DNAAF9: variants seen among roughly 807,000 people sequenced by gnomAD.
The protein encoded by DNAAF9 is dynein axonemal assembly factor 9.
A neutral mutation model predicts 167.0 loss-of-function variants in DNAAF9; 90 were observed. That is an observed-to-expected ratio of 0.54 (90% CI 0.45 to 0.64). The LOEUF (loss-of-function observed/expected upper bound fraction) is 0.64, where lower values mean the gene tolerates loss of function less well. Among genes scored for constraint, DNAAF9 ranks in the 30% least tolerant of loss-of-function variants. The pLI, the probability that DNAAF9 is intolerant of heterozygous loss-of-function variation, is 0.00. For synonymous variants in DNAAF9, 491 were observed against 508.8 expected, an observed-to-expected ratio of 0.96 and a Z score of 0.47; for missense variants, 1,315 against 1,442.2, an observed-to-expected ratio of 0.91 and a Z score of 1.43.
chr20:3,362,124 A>G, intron 6 of DNAAF9: 1 of 1,386,410 alleles, frequency 7.2e-7, no homozygotes, highest in Middle Eastern at 2.6e-4. Flanking sequence ...ATTCTATTTT[A>G]AGGCTGTATA....
intron 20 of DNAAF9, among the ~76,000 whole-genome samples, chr20:3,312,668 C>T (rs1039218236): frequency 4.6e-5 from 7 of 152,114 alleles, no homozygotes; most frequent in African/African-American, 1.7e-4. Context: ...GCCCAAGTCC[C>T]CTTCTAAGGC....
chr20:3,269,308 C>A (rs950436362), intron 30 of DNAAF9, among the ~76,000 whole-genome samples: 2 of 151,658 alleles, frequency 1.3e-5, no homozygotes, highest in Non-Finnish European at 2.9e-5. Flanking sequence ...CTCCTGGGCT[C>A]AGGCAATCCT....
chr20:3,255,090 C>T, intron 35 of DNAAF9, 129 bp downstream of exon 35: 2 of 624,536 alleles, frequency 3.2e-6, no homozygotes, highest in Non-Finnish European at 5.8e-6. Context: ...CCCTCTGTGG[C>T]CTGGGAGAAG....
intron 6 of DNAAF9, among the ~76,000 whole-genome samples, chr20:3,373,188 G>A (rs1374930269): frequency 1.3e-5 from 2 of 152,214 alleles, no homozygotes; most frequent in Non-Finnish European, 2.9e-5. Context: ...TCCCAGGCAA[G>A]CCTCCAGTCA....
intron 21 of DNAAF9, 74 bp from the exon 22 acceptor site, chr20:3,298,249 C>A (rs1224550280): frequency 8.5e-7 from 1 of 1,179,822 alleles, no homozygotes; most frequent in African/African-American, 1.5e-5. Flanking sequence ...ACTGCCAGAA[C>A]ACACAGGATC....
At chr20:3,293,537 T>G (rs1213859924) in intron 25 of DNAAF9, among the ~76,000 whole-genome samples, 1 of 150,808 alleles carries the variant, frequency 6.6e-6, no homozygotes, top group Admixed American at 6.6e-5. Context: ...ATACAAAAAT[T>G]AGCCAGGCGT....
chr20:3,315,095 T>G lies in DNAAF9; in HGVS notation c.1616A>C (p.Tyr539Ser). ...ATATGCTCCTTCTCCTCCTGTTAGA[T>G]AAGTGCCCAGGAAAGACTCATCCCC... Reference protein sequence around the residue: ...VRGDESFLGTYLTGGEGAYLY... With the variant: ...VRGDESFLGTSLTGGEGAYLY... Residue 539 changes from tyrosine (Y) to serine (S), a missense_variant, in exon 20 of 37, where the codon TAT becomes TCT. Physicochemically the swap from Tyr to Ser is moderately radical, Grantham distance 144. This residue lies in a region of DNAAF9 where 981 missense variants were observed against 1,012.5 expected (regional missense o/e 0.97). Coordinates refer to ENST00000252032, the MANE Select transcript of DNAAF9 (RefSeq NM_001009984.3). The surrounding 1 kb of genome is among the most constrained non-coding windows in gnomAD (Gnocchi z 4.1). The G allele has an allele frequency of 6.2e-7, 1 of 1,610,534 alleles. No individual in the cohort carries two copies. Among genetic ancestry groups the G allele is most frequent in the Non-Finnish European group, 8.5e-7 (1 of 1,176,782 alleles).
chr20:3,344,590 T>TACACACACACACACAC (rs4053351), intron 8 of DNAAF9, among the ~76,000 whole-genome samples: 13 of 144,518 alleles, frequency 9.0e-5, no homozygotes, highest in South Asian at 4.4e-4. Context: ...TACACACACA[T>TACACACACACACACAC]ACACACACAC....
At chr20:3,355,874 T>G (rs2083279188) in intron 7 of DNAAF9, among the ~76,000 whole-genome samples, 1 of 152,128 alleles carries the variant, frequency 6.6e-6, no homozygotes, top group African/African-American at 2.4e-5. Context: ...TGAGTTTTGA[T>G]AACAGCTAAT....
chr20:3,364,758 A>G (rs892922853), intron 6 of DNAAF9, among the ~76,000 whole-genome samples: 6 of 152,118 alleles, frequency 3.9e-5, no homozygotes, highest in Non-Finnish European at 7.4e-5. Flanking sequence ...CAATCAACTG[A>G]GCCTTCAGTG....
At chr20:3,406,886 G>C (rs1568654682) in intron 1 of DNAAF9, among the ~76,000 whole-genome samples, 1 of 152,046 alleles carries the variant, frequency 6.6e-6, no homozygotes, top group Non-Finnish European at 1.5e-5. Context: ...GCGCGACAGG[G>C]GAGATGCTGT....
chr20:3,261,333 A>C (rs561625688), intron 31 of DNAAF9, among the ~76,000 whole-genome samples: 2 of 151,092 alleles, frequency 1.3e-5, no homozygotes, highest in Non-Finnish European at 2.9e-5. Flanking sequence ...CACTGTGCCT[A>C]GCCTGTTTCC....
intron 8 of DNAAF9, among the ~76,000 whole-genome samples, chr20:3,344,786 T>C (rs1407267351): frequency 2.0e-5 from 3 of 152,162 alleles, no homozygotes; most frequent in Non-Finnish European, 4.4e-5. Flanking sequence ...CTACCTACAA[T>C]ATGAGTGTGC....
intron 28 of DNAAF9, among the ~76,000 whole-genome samples, chr20:3,279,941 T>G (rs1021181733): frequency 1.3e-5 from 2 of 151,894 alleles, no homozygotes; most frequent in African/African-American, 4.8e-5. Flanking sequence ...ACTGGGGGAG[T>G]TTCTCTCCTG....
intron 25 of DNAAF9, among the ~76,000 whole-genome samples, chr20:3,293,666 CAAAA>C (rs71195830): frequency 0.036 from 3,066 of 85,612 alleles, 88 homozygotes; most frequent in African/African-American, 0.12. Context: ...GCCTGGGTGA[CAAAA>C]AAAAAAAAAA....
At chr20:3,340,317 AGTTT>A (rs11467624) in intron 10 of DNAAF9, among the ~76,000 whole-genome samples, 183 bp downstream of exon 10, 117,571 of 151,530 alleles carry the variant, frequency 0.78, 46,509 homozygotes, top group African/African-American at 0.94. Flanking sequence ...AATCATACCT[AGTTT>A]GTACTATAAA....
At position 3,296,866 on chromosome 20, in the gene DNAAF9, CT is replaced by C; in HGVS notation, c.2012del (p.Lys671ArgfsTer14). 6.2e-7 allele frequency: 1 copy of C among 1,602,584 alleles called. No homozygotes were observed. The highest frequency in any genetic ancestry group is 8.5e-7 in the Non-Finnish European group (1 of 1,169,692). On this transcript the variant is annotated frameshift_variant, in exon 23 of 37. Coordinates refer to ENST00000252032, the MANE Select transcript of DNAAF9 (RefSeq NM_001009984.3). LOFTEE classifies it high-confidence loss of function. ...ATACTGAAGCAGCCACTTACAATCT[CT>C]TTTGTTCCACAGATAATCCATCTTC... ...IQEDGLSVEQ[K>X]RLHSSAQKLF...
Position 3,315,578 on chromosome 20 carries a change from G to A in DNAAF9, c.1590+157C>T, listed in dbSNP as rs1322197502. 6.6e-6 allele frequency among the ~76,000 whole-genome samples: 1 copy of A among 152,222 alleles called. No homozygotes were observed. Among genetic ancestry groups the A allele is most frequent in the Non-Finnish European group, 1.5e-5 (1 of 68,030 alleles). ...TCCCCCATAAATGGTTATTTCTAAA[G>A]CTCTGCTGGGAAGGGGAGGAATGCA... is the stretch of plus-strand genomic sequence containing the variant. On this transcript the variant is annotated intron_variant, in intron 19 of 36. Transcript: ENST00000252032. The surrounding 1 kb of genome is among the most constrained non-coding windows in gnomAD (Gnocchi z 4.1).
chr20:3,400,793 CA>C (rs2083972186), intron 1 of DNAAF9, among the ~76,000 whole-genome samples: 1 of 152,170 alleles, frequency 6.6e-6, no homozygotes, highest in Non-Finnish European at 1.5e-5. Flanking sequence ...ATTAATGCCA[CA>C]ACACTCACTA....
Sources: allele counts gnomAD v4.1 joint callset (sites outside exome capture counted in the v4.1 genomes callset), GRCh38; gene constraint gnomAD v4.1.1; regional missense constraint gnomAD v4.1.1; non-coding constraint Gnocchi (gnomAD v3.1); transcripts MANE v1.5; gene names NCBI Gene and HGNC (gene_info 2026-07-23, HGNC 2026-07-21).